ADARB1: variants seen among roughly 807,000 people sequenced by gnomAD.
The protein encoded by ADARB1 is double-stranded RNA-specific editase 1.
A neutral mutation model predicts 52.4 loss-of-function variants in ADARB1; 10 were observed. The observed-to-expected ratio is 0.19, with a 90% CI of 0.12 to 0.32. The LOEUF (loss-of-function observed/expected upper bound fraction) is 0.32, where lower values mean the gene tolerates loss of function less well. ADARB1 is among the 10% of genes least tolerant of loss of function. The pLI is 1.00. For synonymous variants in ADARB1, 349 were observed against 371.1 expected, an observed-to-expected ratio of 0.94 and a Z score of 0.68; for missense variants, 643 against 922.3, an observed-to-expected ratio of 0.70 and a Z score of 3.92.
At chr21:45,106,479 G>T (rs570130220) in intron 1 of ADARB1, among the ~76,000 whole-genome samples, 1 of 152,160 alleles carries the variant, frequency 6.6e-6, no homozygotes, top group African/African-American at 2.4e-5. Flanking sequence ...TTTCTTAGCC[G>T]TGAGTCTGTG....
intron 6 of ADARB1, 66 bp downstream of exon 6, chr21:45,182,819 T>C (rs2091975836): frequency 1.5e-6 from 2 of 1,347,508 alleles, no homozygotes; most frequent in Admixed American, 2.8e-5. Flanking sequence ...TTAGAAAACA[T>C]TGCAAAACCT....
In ADARB1 at chr21:45,220,486, C is replaced by T. The variant is rs569383796; in HGVS notation, c.1748-350C>T. ...CTCCCACCCATCCACTCTCAGGCTG[C>T]CAAGGTTCCTGGCTCCGTCAGTGCC... On this transcript the variant is annotated intron_variant, in intron 9 of 10. Coordinates refer to ENST00000348831, the MANE Select transcript of ADARB1 (RefSeq NM_001112.4). The surrounding 1 kb of genome is among the most constrained non-coding windows in gnomAD (Gnocchi z 6.3). 7.2e-4 allele frequency among the ~76,000 whole-genome samples: 110 copies of T among 152,250 alleles called. No homozygotes were observed. Among genetic ancestry groups the T allele is most frequent in the Non-Finnish European group, 1.2e-3 (80 of 68,008 alleles).
intron 5 of ADARB1, among the ~76,000 whole-genome samples, chr21:45,180,800 C>A (rs9653788): frequency 6.6e-6 from 1 of 152,066 alleles, no homozygotes; most frequent in African/African-American, 2.4e-5. Flanking sequence ...TTAATGTTAA[C>A]GATGCCAGAT....
At chr21:45,177,691 G>C (rs145864138) in intron 4 of ADARB1, 54 of 152,276 alleles carry the variant, frequency 3.5e-4, no homozygotes, top group African/African-American at 1.3e-3. Context: ...GGTGGCTTGT[G>C]TTCCCCTGGA....
intron 1 of ADARB1, among the ~76,000 whole-genome samples, chr21:45,109,230 TGTATATGTGTGTGCGCGCGTGTGC>T (rs2087408853): frequency 6.7e-6 from 1 of 148,618 alleles, no homozygotes; most frequent in Non-Finnish European, 1.5e-5. Flanking sequence ...CGCGCTTGTG[TGTATATGTGTGTGCGCGCGTGTGC>T]GTATGTGTGT....
intron 1 of ADARB1, among the ~76,000 whole-genome samples, chr21:45,109,564 G>C (rs1369643770): frequency 6.6e-6 from 1 of 152,240 alleles, no homozygotes; most frequent in African/African-American, 2.4e-5. Context: ...AGCGCACGGG[G>C]CTCTGCGCCC....
rs558878548 is a variant in ADARB1, at chr21:45,200,468, A to G, written c.1566-4087A>G. Among the ~76,000 whole-genome samples the G allele has an allele frequency of 2.0e-5, 3 of 152,332 alleles. No individual in the cohort carries two copies. The highest frequency in any genetic ancestry group is 2.0e-4 in the Admixed American group (3 of 15,298). ...CTGCACAGAGCTGTGGGAACAAACA[A>G]GACCATCCAGAGGAGGACCAGCAGC... On this transcript the variant is annotated intron_variant, in intron 8 of 10. Transcript: ENST00000348831. The surrounding 1 kb of genome is among the most constrained non-coding windows in gnomAD (Gnocchi z 5.0).
At chr21:45,175,585 A>G (rs2091658707) in intron 3 of ADARB1, 145 bp from the exon 4 acceptor site, 4 of 813,322 alleles carry the variant, frequency 4.9e-6, no homozygotes, top group Non-Finnish European at 7.8e-6. Context: ...TAAATGTATA[A>G]CTCTTCATGT....
chr21:45,075,826 C>A (rs2085910871), intron 1 of ADARB1, among the ~76,000 whole-genome samples: 1 of 152,188 alleles, frequency 6.6e-6, no homozygotes. Context: ...CTGATACAGG[C>A]ATTTTACTTC....
rs1400493144 is a variant in ADARB1, at chr21:45,204,045, T to C, written c.1566-510T>C. 3.3e-5 allele frequency among the ~76,000 whole-genome samples: 5 copies of C among 152,224 alleles called. No homozygotes were observed. The highest frequency in any genetic ancestry group is 7.3e-5 in the Non-Finnish European group (5 of 68,032). On this transcript the variant is annotated intron_variant, in intron 8 of 10. Transcript: ENST00000348831. The surrounding 1 kb of genome is among the most constrained non-coding windows in gnomAD (Gnocchi z 4.4). ...ATCTTATCACCAAGGCGACTGCTAATGGGCCAGCGGCATCTGCAACGTGGA... is the reference window on the plus strand; with the variant it reads ...ATCTTATCACCAAGGCGACTGCTAACGGGCCAGCGGCATCTGCAACGTGGA...
intron 2 of ADARB1, among the ~76,000 whole-genome samples, chr21:45,159,835 A>G (rs2090871023): frequency 6.6e-6 from 1 of 152,210 alleles, no homozygotes; most frequent in African/African-American, 2.4e-5. Context: ...AAGAGGCCAG[A>G]TGGGTGCTGC....
chr21:45,078,079 A>G (rs1451965974), intron 1 of ADARB1, among the ~76,000 whole-genome samples: 1 of 151,952 alleles, frequency 6.6e-6, no homozygotes, highest in Non-Finnish European at 1.5e-5. Context: ...TAGTTTGATT[A>G]GTACTGCTTG....
chr21:45,174,682 AATACATAC>A (rs59024130), intron 3 of ADARB1, among the ~76,000 whole-genome samples: 8,707 of 148,764 alleles, frequency 0.059, 334 homozygotes, highest in African/African-American at 0.12. Flanking sequence ...CAGTCTCAAA[AATACATAC>A]ATACATACAT....
intron 3 of ADARB1, 76 bp from the exon 4 acceptor site, chr21:45,175,653 TA>T: frequency 7.0e-7 from 1 of 1,432,240 alleles, no homozygotes; most frequent in Non-Finnish European, 9.6e-7. Context: ...CAAAGAGAGC[TA>T]AAGGAATCTA....
intron 1 of ADARB1, among the ~76,000 whole-genome samples, chr21:45,077,482 G>A (rs959896476): frequency 1.3e-5 from 2 of 152,048 alleles, no homozygotes; most frequent in Non-Finnish European, 2.9e-5. Context: ...TTGCTAACAC[G>A]GTGAAAACCC....
chr21:45,174,477 C>T (rs778704425), intron 3 of ADARB1, among the ~76,000 whole-genome samples: 8 of 152,090 alleles, frequency 5.3e-5, no homozygotes, highest in South Asian at 4.1e-4. Flanking sequence ...CCAAGGCAGG[C>T]GGATCACCTG....
rs372607998 is a variant in ADARB1 at position 45,087,629 on chromosome 21, G to A, written c.-220+12836G>A. 6.6e-5 allele frequency among the ~76,000 whole-genome samples: 10 copies of A among 152,288 alleles called. No homozygotes were observed. The South Asian group carries it at 2.1e-3, about 32-fold the overall frequency. On this transcript the variant is annotated intron_variant, in intron 1 of 10. Coordinates refer to ENST00000348831, the MANE Select transcript of ADARB1 (RefSeq NM_001112.4). ...GGTGCCAGGTCATAGGTGGGGTGCA[G>A]TGCTGCTCTCAGTACACCTTTTAGT...
rs1420820137 is a variant in ADARB1 at position 45,220,058 on chromosome 21, C to T, written c.1748-778C>T. On this transcript the variant is annotated intron_variant, in intron 9 of 10. Transcript: ENST00000348831. This position sits in a 1 kb window ranked among gnomAD's most constrained non-coding sequence, Gnocchi z 6.3. ...TCTTTGTAAAAGCTATTTTTATCTC[C>T]TGTTTGATGTTTGTTCTTGCTTCAA... 6.8e-6 allele frequency among the ~76,000 whole-genome samples: 1 copy of T among 146,352 alleles called. No homozygotes were observed. Among genetic ancestry groups the T allele is most frequent in the Non-Finnish European group, 1.5e-5 (1 of 67,028 alleles).
At chr21:45,107,731 G>A (rs147502976) in intron 1 of ADARB1, among the ~76,000 whole-genome samples, 86 of 152,292 alleles carry the variant, frequency 5.6e-4, no homozygotes, top group African/African-American at 2.0e-3. Flanking sequence ...AAAGGCAACT[G>A]TTCCAATGTT....
Sources: allele counts gnomAD v4.1 joint callset (sites outside exome capture counted in the v4.1 genomes callset), GRCh38; gene constraint gnomAD v4.1.1; non-coding constraint Gnocchi (gnomAD v3.1); transcripts MANE v1.5; gene names NCBI Gene and HGNC (gene_info 2026-07-23, HGNC 2026-07-21).